GCC2: variants seen among roughly 807,000 people sequenced by gnomAD.
The protein encoded by GCC2 is GRIP and coiled-coil domain containing 2, also known as GRIP and coiled-coil domain-containing protein 2.
Under a neutral mutation model 210.6 loss-of-function variants are expected in GCC2, and 120 were observed. The ratio of observed to expected loss-of-function variants is 0.57; its 90% CI spans 0.49 to 0.66. The LOEUF (loss-of-function observed/expected upper bound fraction) is 0.66. Ranked by LOEUF, GCC2 falls within the 30% of genes least tolerant of loss-of-function variation. The probability of loss-of-function intolerance (pLI) is 0.00; values close to 1 mark genes in which losing one functional copy is unlikely to be tolerated. For missense variants in GCC2, 1,868 were observed against 1,871.9 expected (o/e 1.00, Z 0.04); for synonymous variants, 703 against 652.7 (o/e 1.08, Z -1.17).
chr2:108,500,731 A>C (rs565178812), intron 22 of GCC2, among the ~76,000 whole-genome samples: 2 of 152,256 alleles, frequency 1.3e-5, no homozygotes, highest in Admixed American at 6.5e-5. Context: ...CAAGGAAGAC[A>C]CTATAATCTC....
intron 4 of GCC2, among the ~76,000 whole-genome samples, chr2:108,454,277 A>C (rs925939702): frequency 3.3e-5 from 5 of 152,192 alleles, no homozygotes; most frequent in Non-Finnish European, 5.9e-5. Context: ...GGCGTGAGCC[A>C]CTGCGCCCAG....
intron 13 of GCC2, 64 bp from the exon 14 acceptor site, chr2:108,485,572 T>C: frequency 1.2e-6 from 1 of 814,930 alleles, no homozygotes; most frequent in South Asian, 1.8e-5. Context: ...GACATATTTG[T>C]GTATTTAAAT....
chr2:108,464,238 G>A (rs1359785347), intron 4 of GCC2, among the ~76,000 whole-genome samples: 1 of 152,100 alleles, frequency 6.6e-6, no homozygotes, highest in East Asian at 1.9e-4. Flanking sequence ...GGCCCACAGC[G>A]GTCTTTAGCC....
At chr2:108,503,396 A>T (rs970290283) in intron 22 of GCC2, among the ~76,000 whole-genome samples, 3 of 152,260 alleles carry the variant, frequency 2.0e-5, no homozygotes, top group Non-Finnish European at 2.9e-5. Flanking sequence ...ATCTGCCTTC[A>T]TTGAAAATTC....
intron 19 of GCC2, 95 bp from the exon 20 acceptor site, chr2:108,495,196 T>C (rs1037176650): frequency 1.2e-4 from 81 of 654,770 alleles, no homozygotes; most frequent in African/African-American, 1.2e-3. Context: ...TCTACTCTTA[T>C]CATTTGATAT....
At chr2:108,460,543 G>T (rs1251985445) in intron 4 of GCC2, among the ~76,000 whole-genome samples, 1 of 152,044 alleles carries the variant, frequency 6.6e-6, no homozygotes, top group Non-Finnish European at 1.5e-5. Flanking sequence ...TTCTATTTGT[G>T]TGTGTTTTTA....
chr2:108,472,135 C>CT lies in GCC2; in HGVS notation c.2787+20dup. 1 of 1,419,720 alleles carries CT rather than the reference C, an allele frequency of 7.0e-7. No individual in the cohort carries two copies. The highest frequency in any genetic ancestry group is 1.5e-5 in the South Asian group (1 of 65,354). The allele number at this position is 1,419,720 out of a possible 1,614,324, so 87.9% of individuals were successfully genotyped here. A position where few individuals can be genotyped will look rare whatever the true frequency, so the allele number is the denominator to read the frequency against. On this transcript the variant is annotated intron_variant, in intron 6 of 22. Transcript: ENST00000309863. ...ATTAAAGGTACCATTCATTTGAATT[C>CT]TATTGTTTCAAATAAATTCTTAGTT...
chr2:108,461,818 C>CTTTTT (rs1390391578), intron 4 of GCC2, among the ~76,000 whole-genome samples: 1 of 120,802 alleles, frequency 8.3e-6, no homozygotes, highest in African/African-American at 3.3e-5. Context: ...AATAGGTTTT[C>CTTTTT]TTTTTTTTTT....
chr2:108,459,336 G>A (rs956669685), intron 4 of GCC2, among the ~76,000 whole-genome samples: 1 of 152,008 alleles, frequency 6.6e-6, no homozygotes, highest in Non-Finnish European at 1.5e-5. Flanking sequence ...ATTGTAGTTC[G>A]AGAACATACT....
chr2:108,479,913 C>T (rs997998067), intron 9 of GCC2, among the ~76,000 whole-genome samples: 15 of 145,516 alleles, frequency 1.0e-4, no homozygotes, highest in African/African-American at 3.4e-4. Context: ...ACGCGAGAGG[C>T]GAAGGCTGCA....
At position 108,470,684 on chromosome 2, in the gene GCC2, AATTAAC is replaced by A. The variant is rs745790902; in HGVS notation, c.1361_1366del (p.Thr454_Leu455del). 7.5e-6 allele frequency: 12 copies of A among 1,610,170 alleles called. No homozygotes were observed. The Middle Eastern group carries it at 5.0e-4, about 67-fold the overall frequency. ...TTTTTGTCAGATTCAGAAAAAGAAA[AATTAAC>A]ATTAATGTTTGAAATACAGGGTCTT... On this transcript the variant is annotated inframe_deletion, in exon 6 of 23. Coordinates refer to ENST00000309863, the MANE Select transcript of GCC2 (RefSeq NM_181453.4).
At chr2:108,460,976 A>T (rs138985159) in intron 4 of GCC2, among the ~76,000 whole-genome samples, 2,673 of 152,164 alleles carry the variant, frequency 0.018, 72 homozygotes, top group African/African-American at 0.061. Context: ...TTCTGCCATG[A>T]TTGTAAGTTT....
In GCC2 at chr2:108,470,779, C is replaced by A; in HGVS notation, c.1450C>A (p.Arg484=). ...QEAILNYESL[R]EIMEILQTEL... ...AGCAATTTTAAATTATGAGAGTTTA[C>A]GAGAGATTATGGAAATTTTACAAAC... The change falls in exon 6 of 23, where the codon CGA becomes AGA. Residue 484 remains arginine (R), a synonymous_variant. Transcript: ENST00000309863. 2 of 1,613,616 alleles carry A rather than the reference C, an allele frequency of 1.2e-6. No individual in the cohort carries two copies. Among genetic ancestry groups the A allele is most frequent in the Non-Finnish European group, 1.7e-6 (2 of 1,179,844 alleles).
intron 7 of GCC2, 51 bp from the exon 8 acceptor site, chr2:108,475,484 G>T: frequency 1.2e-6 from 1 of 801,790 alleles, no homozygotes; most frequent in South Asian, 2.4e-5. Context: ...CAAGTAATTT[G>T]AATTTTTTCC....
chr2:108,460,710 A>G (rs979999990), intron 4 of GCC2, among the ~76,000 whole-genome samples: 1 of 152,088 alleles, frequency 6.6e-6, no homozygotes, highest in Non-Finnish European at 1.5e-5. Context: ...TGATTATAGT[A>G]TCTTTGTGAT....
intron 21 of GCC2, 89 bp downstream of exon 21, chr2:108,497,198 G>C (rs1682688371): frequency 6.2e-7 from 1 of 1,600,396 alleles, no homozygotes; most frequent in Non-Finnish European, 8.5e-7. Context: ...CTCACTGCAA[G>C]CTCCACCTCC....
intron 4 of GCC2, among the ~76,000 whole-genome samples, chr2:108,463,776 C>T (rs2718727): frequency 0.19 from 28,796 of 152,050 alleles, 3,077 homozygotes; most frequent in African/African-American, 0.27. Flanking sequence ...ATGGCAACAG[C>T]AGTGGTGGGA....
At chr2:108,479,411 C>T (rs1266116452) in intron 9 of GCC2, among the ~76,000 whole-genome samples, 1 of 152,130 alleles carries the variant, frequency 6.6e-6, no homozygotes, top group East Asian at 1.9e-4. Context: ...GAGACCTAGG[C>T]AGGCAGATTG....
chr2:108,485,270 A>G (rs1195174853), intron 13 of GCC2, among the ~76,000 whole-genome samples: 1 of 151,772 alleles, frequency 6.6e-6, no homozygotes, highest in Non-Finnish European at 1.5e-5. Context: ...ATGTATACAT[A>G]TGTAACTAAC....
Sources: gnomAD v4.1 joint callset for allele counts (sites outside exome capture counted in the v4.1 genomes callset) on GRCh38, gnomAD v4.1.1 for gene constraint, MANE v1.5 for transcripts, NCBI Gene and HGNC (gene_info 2026-07-23, HGNC 2026-07-21) for gene names.